Variants in MRTFB observed in about 807,000 individuals in gnomAD.
The protein encoded by MRTFB is myocardin-related transcription factor B.
In MRTFB, 29 loss-of-function variants were observed where a neutral mutation model predicts 104.2. The ratio of observed to expected loss-of-function variants is 0.28; its 90% CI spans 0.21 to 0.38. The LOEUF (loss-of-function observed/expected upper bound fraction) is 0.38. Among genes scored for constraint, MRTFB ranks in the 10% least tolerant of loss-of-function variants. The probability of loss-of-function intolerance (pLI) is 1.00; values close to 1 mark genes in which losing one functional copy is unlikely to be tolerated. For missense variants in MRTFB, 1,270 were observed against 1,341.6 expected, an observed-to-expected ratio of 0.95 and a Z score of 0.83; for synonymous variants, 535 against 519.5, an observed-to-expected ratio of 1.03 and a Z score of -0.41.
At chr16:14,115,796 G>C (rs2142218015) in intron 2 of MRTFB, among the ~76,000 whole-genome samples, 1 of 152,212 alleles carries the variant, frequency 6.6e-6, no homozygotes, top group Non-Finnish European at 1.5e-5. Context: ...TAGACTTTTG[G>C]GTCTTTGGAG....
At chr16:14,146,405 T>C (rs538682542) in intron 3 of MRTFB, among the ~76,000 whole-genome samples, 1 of 152,242 alleles carries the variant, frequency 6.6e-6, no homozygotes, top group Non-Finnish European at 1.5e-5. Flanking sequence ...GAGCTTATAG[T>C]CCTATCTTGA....
At chr16:14,193,576 C>T (rs1411315199) in intron 3 of MRTFB, 1 of 152,194 alleles carries the variant, frequency 6.6e-6, no homozygotes, top group Non-Finnish European at 1.5e-5. Flanking sequence ...TATTCAATAT[C>T]CCTCCCCCCT....
intron 3 of MRTFB, among the ~76,000 whole-genome samples, chr16:14,181,632 T>G (rs2039774368): frequency 6.6e-6 from 1 of 152,212 alleles, no homozygotes; most frequent in Admixed American, 6.5e-5. Flanking sequence ...TACTAATTAT[T>G]TTATTCATTA....
At chr16:14,169,260 A>G (rs2039346468) in intron 3 of MRTFB, among the ~76,000 whole-genome samples, 1 of 152,208 alleles carries the variant, frequency 6.6e-6, no homozygotes, top group South Asian at 2.1e-4. Flanking sequence ...GTGTTTGCTT[A>G]AAATGTCCTT....
the MRTFB span, among the ~76,000 whole-genome samples, chr16:14,023,179 C>T: frequency 6.6e-6 from 1 of 152,074 alleles, no homozygotes; most frequent in Non-Finnish European, 1.5e-5. Context: ...TGGCTCACAC[C>T]TATAACCCCA....
At chr16:14,088,103 T>C (rs1439863132) in intron 2 of MRTFB, among the ~76,000 whole-genome samples, 1 of 152,160 alleles carries the variant, frequency 6.6e-6, no homozygotes, top group Non-Finnish European at 1.5e-5. Context: ...GTAGGATCTT[T>C]TGATTGATTA....
rs1048796404 is a variant in MRTFB at position 14,234,302 on chromosome 16, C to T, written c.831+19C>T. The T allele has an allele frequency of 6.2e-7, 1 of 1,610,680 alleles. No homozygotes were observed. The highest frequency in any genetic ancestry group is 1.7e-5 in the Admixed American group (1 of 59,512). On this transcript the variant is annotated intron_variant, in intron 9 of 16. Coordinates refer to ENST00000571589, the MANE Select transcript of MRTFB (RefSeq NM_001308142.2). ...GGTGAAGGTGGGTACTTTGGATACA[C>T]CCTGGGTTTGGTGGCTTTATTTGTG...
chr16:14,204,445 A>G (rs1445245800), intron 3 of MRTFB, among the ~76,000 whole-genome samples: 2 of 152,322 alleles, frequency 1.3e-5, no homozygotes, highest in Middle Eastern at 3.4e-3. Context: ...TATCTAAACT[A>G]CCATATTGCT....
chr16:14,161,360 C>T (rs1277392086), intron 3 of MRTFB, among the ~76,000 whole-genome samples: 1 of 152,076 alleles, frequency 6.6e-6, no homozygotes, highest in African/African-American at 2.4e-5. Flanking sequence ...AAAAGTAACA[C>T]ATTTGTGCAA....
At chr16:14,078,838 A>G (rs1043954634) in intron 1 of MRTFB, among the ~76,000 whole-genome samples, 6 of 152,112 alleles carry the variant, frequency 3.9e-5, no homozygotes, top group Non-Finnish European at 7.3e-5. Flanking sequence ...TATTGAACAC[A>G]TATTTCAGGA....
intron 3 of MRTFB, among the ~76,000 whole-genome samples, chr16:14,163,518 A>G (rs2039117206): frequency 1.3e-5 from 2 of 152,156 alleles, no homozygotes; most frequent in Non-Finnish European, 2.9e-5. Flanking sequence ...CAAATAGTTC[A>G]CATATATCTA....
intron 3 of MRTFB, among the ~76,000 whole-genome samples, chr16:14,159,381 G>A (rs2038945640): frequency 6.6e-6 from 1 of 152,104 alleles, no homozygotes; most frequent in African/African-American, 2.4e-5. Flanking sequence ...AGTAGAAGAT[G>A]TCCAAATAAT....
intron 3 of MRTFB, chr16:14,200,690 T>A: frequency 6.5e-7 from 1 of 1,541,700 alleles, no homozygotes. Flanking sequence ...AAAGGAGTCC[T>A]CTCAAGAGAA....
chr16:14,134,400 C>T (rs1247705911), intron 2 of MRTFB, among the ~76,000 whole-genome samples: 1 of 152,212 alleles, frequency 6.6e-6, no homozygotes, highest in Non-Finnish European at 1.5e-5. Context: ...ATATGTAGTG[C>T]ATCTACTACT....
chr16:14,074,337 C>G (rs1231821464), intron 1 of MRTFB, among the ~76,000 whole-genome samples: 2 of 152,096 alleles, frequency 1.3e-5, no homozygotes, highest in Non-Finnish European at 2.9e-5. Flanking sequence ...AAAATCAGAA[C>G]TTTAAAAAAT....
the MRTFB span, among the ~76,000 whole-genome samples, chr16:14,016,551 T>C: frequency 1.8e-4 from 28 of 152,018 alleles, no homozygotes; most frequent in African/African-American, 6.8e-4. Flanking sequence ...AGTGGGTGGA[T>C]CACCTGAGGT....
chr16:14,257,528 A>G (rs772525791), intron 15 of MRTFB, among the ~76,000 whole-genome samples: 5 of 152,166 alleles, frequency 3.3e-5, no homozygotes, highest in Non-Finnish European at 5.9e-5. Context: ...GTATGAATCC[A>G]TTCATATAAA....
chr16:14,236,828 G>A lies in MRTFB; in HGVS notation c.831+2545G>A, dbSNP rs113062958. Among the ~76,000 whole-genome samples the A allele has an allele frequency of 7.2e-3, 1,101 of 152,270 alleles. 17 individuals are homozygous for A. Among genetic ancestry groups the A allele is most frequent in the African/African-American group, 0.025 (1,046 of 41,546 alleles). ...GAGCTGATATGTTAGAAACAGTAGG[G>A]CGCAAAGGTAGAAGCAGAGACAGGT... On this transcript the variant is annotated intron_variant, in intron 9 of 16. Coordinates refer to ENST00000571589, the MANE Select transcript of MRTFB (RefSeq NM_001308142.2).
At chr16:14,242,799 T>C (rs2042832043) in intron 10 of MRTFB, among the ~76,000 whole-genome samples, 1 of 152,218 alleles carries the variant, frequency 6.6e-6, no homozygotes, top group Non-Finnish European at 1.5e-5. Context: ...GTTTCTGTTA[T>C]TTTAAAGATT....
Sources: gnomAD v4.1 joint callset for allele counts (sites outside exome capture counted in the v4.1 genomes callset) on GRCh38, gnomAD v4.1.1 for gene constraint, MANE v1.5 for transcripts, NCBI Gene and HGNC (gene_info 2026-07-23, HGNC 2026-07-21) for gene names.